Variants in CACNB2 observed in about 807,000 individuals in gnomAD.
The protein encoded by CACNB2 is calcium voltage-gated channel auxiliary subunit beta 2.
CACNB2 carries 42 observed loss-of-function variants against 73.3 expected under a neutral mutation model. The ratio of observed to expected loss-of-function variants is 0.57; its 90% CI spans 0.45 to 0.74. CACNB2 has a LOEUF of 0.74. Ranked by LOEUF, CACNB2 falls within the 30% of genes least tolerant of loss-of-function variation. CACNB2 has a pLI of 0.00. For missense variants in CACNB2, 940 were observed against 853.0 expected, an observed-to-expected ratio of 1.10 and a Z score of -1.27; for synonymous variants, 348 against 310.3, an observed-to-expected ratio of 1.12 and a Z score of -1.28.
chr10:18,408,592 T>C (rs149364038), intron 3 of CACNB2, among the ~76,000 whole-genome samples: 46 of 152,174 alleles, frequency 3.0e-4, no homozygotes, highest in African/African-American at 1.1e-3. Flanking sequence ...GAGAAGATGT[T>C]GAAAATCTCT....
At chr10:18,220,220 TATATATATATATAGAGAGAG>T (rs1482703516) in intron 2 of CACNB2, among the ~76,000 whole-genome samples, 1 of 46,662 alleles carries the variant, frequency 2.1e-5, no homozygotes, top group African/African-American at 1.9e-4. Flanking sequence ...TATATATATA[TATATATATATATAGAGAGAG>T]AGAGAGAGAG....
At chr10:18,228,226 C>T (rs1436371906) in intron 2 of CACNB2, among the ~76,000 whole-genome samples, 5 of 151,802 alleles carry the variant, frequency 3.3e-5, no homozygotes, top group African/African-American at 9.7e-5. Context: ...GAGTTCGAGA[C>T]CAGCGTGGTC....
intron 2 of CACNB2, among the ~76,000 whole-genome samples, chr10:18,357,096 C>G (rs987494029): frequency 6.6e-6 from 1 of 150,686 alleles, no homozygotes; most frequent in African/African-American, 2.4e-5. Context: ...AGGCGCGCAC[C>G]ACCATGCCCG....
intron 2 of CACNB2, among the ~76,000 whole-genome samples, chr10:18,373,689 C>G (rs549805635): frequency 6.6e-6 from 1 of 152,118 alleles, no homozygotes; most frequent in East Asian, 1.9e-4. Context: ...TTGAGGTTAG[C>G]CTAGATGTTC....
At chr10:18,221,822 T>C (rs544532638) in intron 2 of CACNB2, among the ~76,000 whole-genome samples, 93 of 152,368 alleles carry the variant, frequency 6.1e-4, no homozygotes, top group African/African-American at 1.9e-3. Flanking sequence ...TTTTTATCCA[T>C]GGAAACCAAT....
chr10:18,192,778 A>AT (rs576571597), intron 2 of CACNB2, among the ~76,000 whole-genome samples: 154 of 152,184 alleles, frequency 1.0e-3, no homozygotes, highest in Non-Finnish European at 1.4e-3. Flanking sequence ...ATGTAGCGTA[A>AT]TTTTTTAAAG....
At chr10:18,289,694 T>A (rs1032225416) in intron 2 of CACNB2, among the ~76,000 whole-genome samples, 1 of 152,106 alleles carries the variant, frequency 6.6e-6, no homozygotes, top group Non-Finnish European at 1.5e-5. Context: ...AGATGCTGGA[T>A]GGATGGATGG....
At chr10:18,276,987 C>T (rs557951768) in intron 2 of CACNB2, among the ~76,000 whole-genome samples, 27 of 152,256 alleles carry the variant, frequency 1.8e-4, no homozygotes, top group Admixed American at 7.8e-4. Flanking sequence ...TGTGGTGGTA[C>T]GCACCTGCAG....
chr10:18,500,768 A>G (rs766171379), intron 4 of CACNB2, 44 bp from the exon 5 acceptor site: 7 of 1,594,728 alleles, frequency 4.4e-6, no homozygotes, highest in Non-Finnish European at 6.0e-6. Context: ...CAAGGATTTG[A>G]CCTTCTGTGC....
intron 3 of CACNB2, among the ~76,000 whole-genome samples, chr10:18,486,326 A>G (rs7097430): frequency 0.14 from 20,786 of 152,258 alleles, 1,611 homozygotes; most frequent in Admixed American, 0.18. Flanking sequence ...AGCTAGAACT[A>G]TAGTGCCATG....
At chr10:18,181,400 T>C (rs12413195) in intron 2 of CACNB2, among the ~76,000 whole-genome samples, 31,047 of 151,998 alleles carry the variant, frequency 0.2, 3,235 homozygotes, top group South Asian at 0.26. Flanking sequence ...GATGCAAGAC[T>C]GTAGCCCTGG....
chr10:18,441,673 C>A (rs551178570), intron 3 of CACNB2, among the ~76,000 whole-genome samples: 16 of 152,106 alleles, frequency 1.1e-4, no homozygotes, highest in Non-Finnish European at 4.4e-5. Flanking sequence ...GTCTCACTGT[C>A]GCCCAGGCTG....
At chr10:18,143,414 A>G (rs899884589) in intron 1 of CACNB2, among the ~76,000 whole-genome samples, 4 of 152,234 alleles carry the variant, frequency 2.6e-5, no homozygotes, top group African/African-American at 4.8e-5. Context: ...ATTCACAGGA[A>G]TTAGCAAGTG....
chr10:18,219,619 A>T (rs2035648081), intron 2 of CACNB2, among the ~76,000 whole-genome samples: 1 of 152,114 alleles, frequency 6.6e-6, no homozygotes. Flanking sequence ...TAAACAGCCA[A>T]TTGGGGCCTC....
rs770736372 is a variant in CACNB2, at chr10:18,527,588, G to T, written c.945G>T (p.Arg315=). The T allele has an allele frequency of 6.2e-7, 1 of 1,609,676 alleles. No individual in the cohort carries two copies. The highest frequency in any genetic ancestry group is 1.1e-5 in the South Asian group (1 of 90,984). ...CTTCTGTGACTTTTTCCTCCAACAG[G>T]ATATCCATCACAAGGGTCACCGCTG... ...FDFLKHRFEG[R]ISITRVTADI... The change falls in exon 10 of 14, where the codon CGG becomes CGT. Residue 315 remains arginine, a splice_region_variant and synonymous_variant. Coordinates refer to ENST00000324631, the MANE Select transcript of CACNB2 (RefSeq NM_201596.3).
At chr10:18,501,228 G>A (rs1028720491) in intron 5 of CACNB2, among the ~76,000 whole-genome samples, 2 of 152,206 alleles carry the variant, frequency 1.3e-5, no homozygotes, top group African/African-American at 4.8e-5. Context: ...AGGAAAATCT[G>A]AAACCTTAAT....
chr10:18,481,111 G>A (rs1486191468), intron 3 of CACNB2, among the ~76,000 whole-genome samples: 3 of 144,552 alleles, frequency 2.1e-5, no homozygotes, highest in Non-Finnish European at 4.5e-5. Context: ...ACGCTTGTGT[G>A]CACAAAGCAC....
intron 2 of CACNB2, among the ~76,000 whole-genome samples, chr10:18,266,654 C>T (rs58090855): frequency 0.13 from 20,133 of 151,984 alleles, 1,621 homozygotes; most frequent in African/African-American, 0.22. Context: ...TTTGCTAGGC[C>T]GAGATGAGCA....
intron 2 of CACNB2, among the ~76,000 whole-genome samples, chr10:18,152,629 T>C (rs2031659381): frequency 6.8e-6 from 1 of 146,294 alleles, no homozygotes; most frequent in Non-Finnish European, 1.5e-5. Flanking sequence ...TTATTCTGCC[T>C]CTGAGACAAA....
Sources: gnomAD v4.1 joint callset for allele counts (sites outside exome capture counted in the v4.1 genomes callset) on GRCh38, gnomAD v4.1.1 for gene constraint, MANE v1.5 for transcripts, NCBI Gene and HGNC (gene_info 2026-07-23, HGNC 2026-07-21) for gene names.